TOLLIP: variants seen among roughly 807,000 people sequenced by gnomAD.
TOLLIP encodes the protein toll interacting protein.
A neutral mutation model predicts 33.5 loss-of-function variants in TOLLIP; 16 were observed. The observed-to-expected ratio is 0.48, with a 90% CI of 0.32 to 0.72. TOLLIP has a LOEUF of 0.72. TOLLIP is among the 30% of genes least tolerant of loss of function. The pLI is 0.03. For synonymous variants in TOLLIP, 176 were observed against 163.7 expected (o/e 1.07, Z -0.57); for missense variants, 325 against 396.6 (o/e 0.82, Z 1.53).
At chr11:1,297,198 A>T (rs1864137849) in intron 1 of TOLLIP, among the ~76,000 whole-genome samples, 1 of 152,162 alleles carries the variant, frequency 6.6e-6, no homozygotes, top group Non-Finnish European at 1.5e-5. Context: ...CGCCTCTGCC[A>T]TGCACACCAG....
chr11:1,277,396 G>T lies in TOLLIP; in HGVS notation c.611-143C>A. ...TCGGGTCTCAGCAAACACCAGTCCCGCAAGACACCCTGGAAAGGCAAACCC... is the reference window on the plus strand; with the variant it reads ...TCGGGTCTCAGCAAACACCAGTCCCTCAAGACACCCTGGAAAGGCAAACCC... On this transcript the variant is annotated intron_variant, in intron 5 of 5. Coordinates refer to ENST00000317204, the MANE Select transcript of TOLLIP (RefSeq NM_019009.4). The surrounding 1 kb of genome is among the most constrained non-coding windows in gnomAD (Gnocchi z 4.2). The T allele has an allele frequency of 1.6e-6, 1 of 620,818 alleles. No individual in the cohort carries two copies. Among genetic ancestry groups the T allele is most frequent in the Non-Finnish European group, 2.6e-6 (1 of 386,010 alleles). 38.5% of individuals were successfully genotyped at this position (620,818 alleles called of 1,614,324 possible).
chr11:1,291,121 A>G (rs1436254013), intron 2 of TOLLIP: 1 of 152,284 alleles, frequency 6.6e-6, no homozygotes, highest in Non-Finnish European at 1.5e-5. Flanking sequence ...GACCGTGGCA[A>G]GTAAGATGAT....
Position 1,292,703 on chromosome 11 carries a change from CG to C in TOLLIP, c.184-2295del, listed in dbSNP as rs1564974021. Among the ~76,000 whole-genome samples, 5 of 152,052 alleles carry C rather than the reference CG, an allele frequency of 3.3e-5. No homozygotes were observed. In the East Asian group the frequency reaches 9.7e-4, roughly 29 times the overall value. ...ACGGGCACCGCTGCCTCCCCCACAA[CG>C]GGCAAGAGACGCACGTCAGACAGCA... On this transcript the variant is annotated intron_variant, in intron 2 of 5. Transcript: ENST00000317204.
chr11:1,297,657 C>T (rs1387710090), intron 1 of TOLLIP, among the ~76,000 whole-genome samples: 1 of 152,258 alleles, frequency 6.6e-6, no homozygotes, highest in Non-Finnish European at 1.5e-5. Flanking sequence ...CGAGAACAAG[C>T]AGAGCACCCC....
chr11:1,281,010 T>C (rs1863480594), intron 5 of TOLLIP, among the ~76,000 whole-genome samples: 1 of 152,226 alleles, frequency 6.6e-6, no homozygotes. Context: ...CTGTCCACTC[T>C]GCAGCTCCGT....
intron 1 of TOLLIP, among the ~76,000 whole-genome samples, chr11:1,308,185 C>T (rs1469791694): frequency 6.6e-6 from 1 of 152,212 alleles, no homozygotes; most frequent in Non-Finnish European, 1.5e-5. Flanking sequence ...AATTATGATC[C>T]CCAATGTTGG....
At chr11:1,291,601 C>A (rs1479499735) in intron 2 of TOLLIP, among the ~76,000 whole-genome samples, 2 of 151,344 alleles carry the variant, frequency 1.3e-5, no homozygotes, top group African/African-American at 4.9e-5. Context: ...CCTCACTGAA[C>A]CCTCTCTGAG....
chr11:1,309,582 G>C lies in TOLLIP; in HGVS notation c.-84C>G, dbSNP rs1864534192. 2 of 721,104 alleles carry C rather than the reference G, an allele frequency of 2.8e-6. No individual in the cohort carries two copies. Among genetic ancestry groups the C allele is most frequent in the Non-Finnish European group, 1.9e-6 (1 of 521,950 alleles). 44.7% of individuals were successfully genotyped at this position (721,104 alleles called of 1,614,324 possible). A position where few individuals can be genotyped will look rare whatever the true frequency, so the allele number is the denominator to read the frequency against. On this transcript the variant is annotated 5_prime_UTR_variant, in exon 1 of 6. Transcript: ENST00000317204. Reference sequence around the variant, plus strand: ...TGCGCCCCCGCCGGAGCCTGCGACGGAGACAGTTGTCACCTCGAGGCCGCC... The same window carrying C: ...TGCGCCCCCGCCGGAGCCTGCGACGCAGACAGTTGTCACCTCGAGGCCGCC...
rs1427203103 is a variant in TOLLIP at position 1,303,625 on chromosome 11, C to T, written c.33+5841G>A. The stretch of plus-strand genomic sequence containing the variant: ...CAAGGCAGGCCTCACCAGCACGGTG[C>T]CAGGGCAGGGCCCGCAGGATCTGGA... On this transcript the variant is annotated intron_variant, in intron 1 of 5. Coordinates refer to ENST00000317204, the MANE Select transcript of TOLLIP (RefSeq NM_019009.4). This position sits in a 1 kb window ranked among gnomAD's most constrained non-coding sequence, Gnocchi z 4.2. 6.6e-6 allele frequency among the ~76,000 whole-genome samples: 1 copy of T among 152,232 alleles called. No individual in the cohort carries two copies. The highest frequency in any genetic ancestry group is 2.4e-5 in the African/African-American group (1 of 41,468).
chr11:1,304,159 G>T (rs901261914), intron 1 of TOLLIP, among the ~76,000 whole-genome samples: 1 of 151,900 alleles, frequency 6.6e-6, no homozygotes, highest in African/African-American at 2.4e-5. Flanking sequence ...ATCCACTCCC[G>T]GGCTGCTCAG....
At chr11:1,291,371 G>A (rs1164054794) in intron 2 of TOLLIP, among the ~76,000 whole-genome samples, 1 of 151,972 alleles carries the variant, frequency 6.6e-6, no homozygotes, top group Admixed American at 6.6e-5. Flanking sequence ...GAGACCCCGG[G>A]AGCCATCCCG....
intron 5 of TOLLIP, chr11:1,283,616 A>G (rs1456973313): frequency 6.6e-6 from 3 of 454,378 alleles, no homozygotes; most frequent in African/African-American, 4.0e-5. Flanking sequence ...AGAAAATTTC[A>G]AAGTTTGTCT....
intron 5 of TOLLIP, among the ~76,000 whole-genome samples, chr11:1,283,022 C>T (rs1381603576): frequency 2.0e-4 from 30 of 152,180 alleles, no homozygotes; most frequent in Non-Finnish European, 1.3e-4. Flanking sequence ...CTGACAAGGG[C>T]GGGATCTTCA....
intron 1 of TOLLIP, among the ~76,000 whole-genome samples, chr11:1,299,741 C>CT (rs1864210166): frequency 6.6e-6 from 1 of 152,254 alleles, no homozygotes; most frequent in Non-Finnish European, 1.5e-5. Flanking sequence ...AACAATTCCA[C>CT]TTCAGGAGCC....
At chr11:1,306,820 G>A (rs994825101) in intron 1 of TOLLIP, among the ~76,000 whole-genome samples, 1 of 151,656 alleles carries the variant, frequency 6.6e-6, no homozygotes, top group Non-Finnish European at 1.5e-5. Context: ...CTCCATCCTC[G>A]GCCCCTGGGG....
Position 1,290,244 on chromosome 11 carries a change from G to A in TOLLIP, c.349C>T (p.Leu117Phe), listed in dbSNP as rs557043840. The change falls in exon 3 of 6, where the codon CTC (leucine) becomes TTC (phenylalanine). Residue 117 changes from leucine to phenylalanine, a missense_variant. Transcript: ENST00000317204. The surrounding 1 kb of genome is among the most constrained non-coding windows in gnomAD (Gnocchi z 4.9). ...TVPPGVDSFY[L>F]EIFDERAFSM... ...CCTCTCACCTCATCGAAGATCTCGA[G>A]ATAGAAAGAGTCCACGCCTGGGGGC... 66 of 1,613,346 alleles carry A rather than the reference G, an allele frequency of 4.1e-5. 1 individual carries two copies. The South Asian group carries it at 6.9e-4, about 17-fold the overall frequency.
At chr11:1,304,802 A>C (rs5743889) in intron 1 of TOLLIP, among the ~76,000 whole-genome samples, 3,452 of 152,340 alleles carry the variant, frequency 0.023, 57 homozygotes, top group Non-Finnish European at 0.033. Context: ...ATGAGAGAAA[A>C]AAAATAAGAA....
At chr11:1,306,789 C>T (rs1179089658) in intron 1 of TOLLIP, among the ~76,000 whole-genome samples, 1 of 152,042 alleles carries the variant, frequency 6.6e-6, no homozygotes, top group African/African-American at 2.4e-5. Flanking sequence ...GACCCTCCGG[C>T]GGCCTCCAGC....
chr11:1,297,876 C>T (rs1204005414), intron 1 of TOLLIP, among the ~76,000 whole-genome samples: 6 of 152,204 alleles, frequency 3.9e-5, no homozygotes, highest in East Asian at 1.9e-4. Context: ...CCCCATGGCA[C>T]GAGATGCTAA....
Sources: allele counts gnomAD v4.1 joint callset (sites outside exome capture counted in the v4.1 genomes callset), GRCh38; gene constraint gnomAD v4.1.1; non-coding constraint Gnocchi (gnomAD v3.1); transcripts MANE v1.5; gene names NCBI Gene and HGNC (gene_info 2026-07-23, HGNC 2026-07-21).